Variants in DMXL2 observed in about 807,000 individuals in gnomAD.
The protein encoded by DMXL2 is dmX-like protein 2.
DMXL2 carries 103 observed loss-of-function variants against 331.1 expected under a neutral mutation model. The observed-to-expected ratio is 0.31, with a 90% confidence interval of 0.27 to 0.37. DMXL2 has a LOEUF of 0.37. Among genes scored for constraint, DMXL2 ranks in the 10% least tolerant of loss-of-function variants. The pLI is 1.00. For synonymous variants in DMXL2, 1,281 were observed against 1,252.1 expected (o/e 1.02, Z -0.49); for missense variants, 3,171 against 3,642.9 (o/e 0.87, Z 3.33).
In DMXL2 at chr15:51,622,368, C is replaced by T. The variant is rs1488434500; in HGVS notation, c.87+91G>A. 3 of 1,518,402 alleles carry T rather than the reference C, an allele frequency of 2.0e-6. 1 individual carries two copies. The highest frequency in any genetic ancestry group is 4.2e-4 in the Middle Eastern group (2 of 4,720). The allele number at this position is 1,518,402 out of a possible 1,614,324, so 94.1% of individuals were successfully genotyped here. ...GTGGGGCCCACCAACATCTCACAGCCTCCTGAGGAGGCGTGCGCCCTGGAC... is the reference window on the plus strand; with the variant it reads ...GTGGGGCCCACCAACATCTCACAGCTTCCTGAGGAGGCGTGCGCCCTGGAC... On this transcript the variant is annotated intron_variant, in intron 1 of 43. Transcript: ENST00000560891.
chr15:51,450,063 T>C, intron 43 of DMXL2, 66 bp downstream of exon 43: 2 of 1,388,174 alleles, frequency 1.4e-6, no homozygotes, highest in Non-Finnish European at 2.0e-6. Flanking sequence ...TCAAAGAATG[T>C]GGAGTTTTTG....
At chr15:51,503,978 AAGAC>A (rs1373851983) in intron 16 of DMXL2, among the ~76,000 whole-genome samples, 2 of 152,090 alleles carry the variant, frequency 1.3e-5, no homozygotes, top group African/African-American at 4.8e-5. Flanking sequence ...TCCATCATGC[AAGAC>A]TGACAGGGAA....
At chr15:51,601,290 C>CAAAAAAAAAAAAAAA (rs200188441) in intron 1 of DMXL2, among the ~76,000 whole-genome samples, 2 of 96,600 alleles carry the variant, frequency 2.1e-5, no homozygotes, top group African/African-American at 8.0e-5. Context: ...GACTCCATCT[C>CAAAAAAAAAAAAAAA]AAAAAAAAAA....
chr15:51,484,124 G>T (rs990117489), intron 23 of DMXL2, among the ~76,000 whole-genome samples: 1 of 152,070 alleles, frequency 6.6e-6, no homozygotes, highest in African/African-American at 2.4e-5. Context: ...ATGCAATCGT[G>T]TCATGGGCCT....
intron 4 of DMXL2, 141 bp from the exon 5 acceptor site, chr15:51,564,401 A>AT (rs1422173562): frequency 5.4e-6 from 3 of 556,752 alleles, no homozygotes; most frequent in Non-Finnish European, 2.8e-6. Context: ...CTTGGTATAT[A>AT]TTTTTTTAAA....
chr15:51,579,617 C>A (rs1001969660), intron 1 of DMXL2, among the ~76,000 whole-genome samples: 2 of 152,132 alleles, frequency 1.3e-5, no homozygotes, highest in African/African-American at 4.8e-5. Context: ...TCTTCCTAAC[C>A]GAATGTCTGG....
At chr15:51,564,406 T>G in intron 4 of DMXL2, 146 bp from the exon 5 acceptor site, 1 of 535,288 alleles carries the variant, frequency 1.9e-6, no homozygotes, top group Non-Finnish European at 3.0e-6. Flanking sequence ...TATATATTTT[T>G]TTAAAGTCCC....
At chr15:51,521,172 G>A (rs2047340269) in intron 13 of DMXL2, among the ~76,000 whole-genome samples, 1 of 152,090 alleles carries the variant, frequency 6.6e-6, no homozygotes, top group Non-Finnish European at 1.5e-5. Context: ...AGTGACAGCC[G>A]TAGTTGTAAG....
chr15:51,589,596 A>G (rs1343233597), intron 1 of DMXL2, among the ~76,000 whole-genome samples: 1 of 152,196 alleles, frequency 6.6e-6, no homozygotes, highest in African/African-American at 2.4e-5. Flanking sequence ...GCAAAACAGG[A>G]TGCATACAGT....
chr15:51,450,891 T>C (rs772880012), intron 42 of DMXL2, among the ~76,000 whole-genome samples: 5 of 152,198 alleles, frequency 3.3e-5, no homozygotes, highest in South Asian at 2.1e-4. Context: ...TGCAATAAAA[T>C]TGAGAATTAA....
intron 2 of DMXL2, among the ~76,000 whole-genome samples, chr15:51,568,825 T>C (rs1422832463): frequency 3.3e-5 from 5 of 152,090 alleles, no homozygotes; most frequent in African/African-American, 1.2e-4. Flanking sequence ...CCAAGATGGC[T>C]GAATAGGAAC....
Position 51,535,739 on chromosome 15 carries a change from C to T in DMXL2, c.2360G>A (p.Gly787Asp). 1 of 1,609,148 alleles carries T rather than the reference C, an allele frequency of 6.2e-7. No homozygotes were observed. Among genetic ancestry groups the T allele is most frequent in the Non-Finnish European group, 8.5e-7 (1 of 1,177,574 alleles). ...SASACFVASDGKNLRLYQAVV... is the reference protein window; with the variant it reads ...SASACFVASDDKNLRLYQAVV... ...AGCTTGATAGAGTCTCAGATTTTTG[C>T]CATCAGAAGCAACAAAGCAAGCACT... The change falls in exon 13 of 44, where the codon GGC becomes GAC. Residue 787 changes from glycine to aspartate, a missense_variant. By Grantham distance (94) the Gly-to-Asp change is moderately conservative. Transcript: ENST00000560891.
chr15:51,499,315 A>G lies in DMXL2; in HGVS notation c.3909T>C (p.Ser1303=). The G allele has an allele frequency of 1.2e-6, 2 of 1,613,998 alleles. No homozygotes were observed. The highest frequency in any genetic ancestry group is 3.3e-4 in the Middle Eastern group (2 of 6,062). ...CAACACTTTTTCTTGCCAGCATATT[A>G]GATTTAAAGGTCGAATGATCTTGCA... ...AAMQDHSTFK[S]NMLARKSVVE... Residue 1303 remains serine, a synonymous_variant, in exon 18 of 44, where the codon TCT becomes TCC. Coordinates refer to ENST00000560891, the MANE Select transcript of DMXL2 (RefSeq NM_001378457.1).
At chr15:51,451,528 A>G (rs1204239236) in intron 42 of DMXL2, 117 bp downstream of exon 42, 1 of 788,372 alleles carries the variant, frequency 1.3e-6, no homozygotes, top group South Asian at 2.0e-5. Context: ...ATATTTCTCC[A>G]TTTTCAACCT....
At chr15:51,620,556 T>G (rs752549854) in intron 1 of DMXL2, among the ~76,000 whole-genome samples, 1 of 152,230 alleles carries the variant, frequency 6.6e-6, no homozygotes, top group African/African-American at 2.4e-5. Flanking sequence ...CAATTACATA[T>G]TCTTAAGCCA....
Position 51,622,114 on chromosome 15 carries a change from G to A in DMXL2, c.87+345C>T, listed in dbSNP as rs185206236. On this transcript the variant is annotated intron_variant, in intron 1 of 43. Transcript: ENST00000560891. ...CCACGCCGAGAGCAGCTGCGAAACG[G>A]ACGCTCTGGGGTTTCAGCCGCACCA... Among the ~76,000 whole-genome samples the A allele has an allele frequency of 5.1e-4, 77 of 152,254 alleles. No homozygotes were observed. In the East Asian group the frequency reaches 6.4e-3, roughly 13 times the overall value.
intron 30 of DMXL2, 45 bp from the exon 31 acceptor site, chr15:51,465,696 T>C: frequency 7.3e-7 from 1 of 1,375,592 alleles, no homozygotes; most frequent in Non-Finnish European, 1.0e-6. Flanking sequence ...AAAAATAAAA[T>C]CATGGGAGAA....
chr15:51,576,527 C>T (rs757557765), intron 1 of DMXL2, among the ~76,000 whole-genome samples: 4 of 152,130 alleles, frequency 2.6e-5, no homozygotes, highest in Non-Finnish European at 4.4e-5. Flanking sequence ...AAAGCTCCAT[C>T]TAAAAATACT....
chr15:51,535,527 T>A, intron 13 of DMXL2, 136 bp downstream of exon 13: 1 of 684,654 alleles, frequency 1.5e-6, no homozygotes, highest in Middle Eastern at 4.5e-4. Context: ...AATAAATGTG[T>A]CATATATATG....
Sources: allele counts gnomAD v4.1 joint callset (sites outside exome capture counted in the v4.1 genomes callset), GRCh38; gene constraint gnomAD v4.1.1; transcripts MANE v1.5; gene names NCBI Gene and HGNC (gene_info 2026-07-23, HGNC 2026-07-21).